The following UNC80 variants were observed in gnomAD, a reference collection of about 807,000 sequenced individuals.
UNC80 encodes the protein unc-80 subunit of NALCN channel complex.
In UNC80, 164 loss-of-function variants were observed where a neutral mutation model predicts 384.6. That is an observed-to-expected ratio of 0.43 (90% CI 0.38 to 0.49). The LOEUF is 0.49. Ranked by LOEUF, UNC80 falls within the 20% of genes least tolerant of loss-of-function variation. UNC80 has a pLI of 0.00. For synonymous variants in UNC80, 1,486 were observed against 1,527.8 expected, an observed-to-expected ratio of 0.97 and a Z score of 0.64; for missense variants, 3,330 against 4,143.0, an observed-to-expected ratio of 0.80 and a Z score of 5.39.
chr2:209,936,816 T>C, intron 40 of UNC80, 28 bp from the exon 41 acceptor site: 1 of 1,448,170 alleles, frequency 6.9e-7, no homozygotes, highest in South Asian at 1.2e-5. Context: ...TGATAAACAT[T>C]TATTAAAATT....
At chr2:209,980,728 A>T (rs1218789013) in intron 59 of UNC80, among the ~76,000 whole-genome samples, 1 of 152,224 alleles carries the variant, frequency 6.6e-6, no homozygotes, top group East Asian at 1.9e-4. Flanking sequence ...AGATATAGTT[A>T]TGTAGAGGAG....
intron 60 of UNC80, among the ~76,000 whole-genome samples, chr2:209,983,796 C>G (rs896789632): frequency 5.9e-5 from 9 of 152,002 alleles, no homozygotes; most frequent in Non-Finnish European, 1.3e-4. Flanking sequence ...TCCTATTATA[C>G]ATATCTTGAT....
chr2:209,831,094 T>TTTTTTTTTTC (rs1182978539), intron 15 of UNC80, among the ~76,000 whole-genome samples: 2 of 150,220 alleles, frequency 1.3e-5, no homozygotes. Context: ...TTTAGGAGCT[T>TTTTTTTTTTC]TTTTTTTTTC....
chr2:209,988,057 A>T (rs1559447040), intron 61 of UNC80, among the ~76,000 whole-genome samples: 1 of 152,138 alleles, frequency 6.6e-6, no homozygotes. Flanking sequence ...GGCACTTAAG[A>T]TATAGTTTCT....
At chr2:209,984,829 T>C in intron 60 of UNC80, 27 bp from the exon 61 acceptor site, 1 of 1,516,030 alleles carries the variant, frequency 6.6e-7, no homozygotes, top group East Asian at 2.5e-5. Flanking sequence ...TTTCCCTAAA[T>C]GCTTCATCTC....
intron 6 of UNC80, 65 bp from the exon 7 acceptor site, chr2:209,793,655 T>C: frequency 7.0e-6 from 11 of 1,570,534 alleles, no homozygotes; most frequent in African/African-American, 1.4e-5. Context: ...TTCTAGATGA[T>C]ATAGCTACAG....
At chr2:209,797,365 C>A (rs762443176) in intron 7 of UNC80, among the ~76,000 whole-genome samples, 1 of 152,120 alleles carries the variant, frequency 6.6e-6, no homozygotes, top group Non-Finnish European at 1.5e-5. Flanking sequence ...TGTTGTTCCT[C>A]CTCTGTATCC....
At chr2:209,862,649 CTTT>C (rs71043955) in intron 22 of UNC80, among the ~76,000 whole-genome samples, 5 of 78,788 alleles carry the variant, frequency 6.3e-5, no homozygotes, top group Non-Finnish European at 9.8e-5. Flanking sequence ...GCAACCTCTG[CTTT>C]TTTTTTTTTT....
intron 21 of UNC80, 28 bp downstream of exon 21, chr2:209,842,474 A>G (rs370420596): frequency 1.4e-5 from 20 of 1,476,802 alleles, no homozygotes; most frequent in Middle Eastern, 1.7e-4. Flanking sequence ...TAAGAATTCT[A>G]TTCAACTTTT....
At chr2:209,948,237 T>A (rs2091999867) in intron 47 of UNC80, among the ~76,000 whole-genome samples, 1 of 152,154 alleles carries the variant, frequency 6.6e-6, no homozygotes, top group Non-Finnish European at 1.5e-5. Context: ...ATTTCTTGCT[T>A]TAGTAGATAC....
intron 47 of UNC80, chr2:209,951,524 C>G (rs928103037): frequency 6.6e-6 from 1 of 152,258 alleles, no homozygotes; most frequent in Non-Finnish European, 1.5e-5. Flanking sequence ...GTCTCAAACT[C>G]CTGACCTCGT....
At chr2:209,940,937 AATTT>A (rs2091588016) in intron 43 of UNC80, among the ~76,000 whole-genome samples, 1 of 152,202 alleles carries the variant, frequency 6.6e-6, no homozygotes, top group Non-Finnish European at 1.5e-5. Flanking sequence ...TAGCTGAAAT[AATTT>A]ATTTTTCTCC....
chr2:209,819,313 G>C, intron 12 of UNC80, 52 bp downstream of exon 12: 1 of 1,486,250 alleles, frequency 6.7e-7, no homozygotes, highest in South Asian at 1.3e-5. Context: ...TAATTATTTG[G>C]TGCATTTTTG....
intron 2 of UNC80, among the ~76,000 whole-genome samples, chr2:209,774,345 C>G (rs2076748366): frequency 6.6e-6 from 1 of 152,164 alleles, no homozygotes; most frequent in South Asian, 2.1e-4. Context: ...CTTGAAATCT[C>G]AGACTTTCTT....
intron 15 of UNC80, 119 bp from the exon 16 acceptor site, chr2:209,831,324 C>T: frequency 9.2e-7 from 1 of 1,084,890 alleles, no homozygotes. Flanking sequence ...TCTTTAATTC[C>T]TTGTTTCTGT....
chr2:209,995,522 T>C lies in UNC80; in HGVS notation c.9902T>C (p.Leu3301Pro). ...SEENGMENPL[L>P]SSQFTFTPTE... ...GAAAATGGCATGGAGAACCCGCTAC[T>C]ATCTAGTCAGTTCACCTTTACTCCC... Residue 3301 changes from leucine (L) to proline (P), a missense_variant, in exon 65 of 65, where the codon CTA (leucine) becomes CCA (proline). Coordinates refer to ENST00000673920, the MANE Select transcript of UNC80 (RefSeq NM_001371986.1). 4 of 1,551,962 alleles carry C rather than the reference T, an allele frequency of 2.6e-6. No homozygotes were observed. The highest frequency in any genetic ancestry group is 3.5e-6 in the Non-Finnish European group (4 of 1,147,038).
rs139599328 is a variant in UNC80 at position 209,964,098 on chromosome 2, C to T, written c.7806-3339C>T. Among the ~76,000 whole-genome samples, 594 of 152,240 alleles carry T rather than the reference C, an allele frequency of 3.9e-3. 4 individuals are homozygous for T. The highest frequency in any genetic ancestry group is 0.013 in the African/African-American group (557 of 41,548). ...CAAAATCAGCTGAGGAGCTCTTACC[C>T]TCTAGATCCTTTCAAACAGTTATTC... On this transcript the variant is annotated intron_variant, in intron 51 of 64. Transcript: ENST00000673920.
intron 32 of UNC80, 32 bp from the exon 33 acceptor site, chr2:209,918,497 CCCT>C (rs1408063587): frequency 1.3e-6 from 2 of 1,545,012 alleles, no homozygotes; most frequent in Non-Finnish European, 8.8e-7. Flanking sequence ...AGCTTATATT[CCCT>C]CTCACCTAAT....
At chr2:209,851,357 A>C (rs1391266797) in intron 22 of UNC80, among the ~76,000 whole-genome samples, 1 of 151,864 alleles carries the variant, frequency 6.6e-6, no homozygotes, top group Non-Finnish European at 1.5e-5. Context: ...TGAGTGGAGC[A>C]CTCCTCAGCT....
Sources: allele counts gnomAD v4.1 joint callset (sites outside exome capture counted in the v4.1 genomes callset), GRCh38; gene constraint gnomAD v4.1.1; transcripts MANE v1.5; gene names NCBI Gene and HGNC (gene_info 2026-07-23, HGNC 2026-07-21).